Variants in ERICH6B observed in about 807,000 individuals in gnomAD.
ERICH6B encodes glutamate rich 6B.
A neutral mutation model predicts 80.0 loss-of-function variants in ERICH6B; 69 were observed. The observed-to-expected ratio is 0.86, with a 90% CI of 0.71 to 1.05. The LOEUF (loss-of-function observed/expected upper bound fraction) is 1.05. ERICH6B is among the 50% of genes least tolerant of loss of function. The probability of loss-of-function intolerance (pLI) is 0.00; values close to 1 mark genes in which losing one functional copy is unlikely to be tolerated. For synonymous variants in ERICH6B, 283 were observed against 291.9 expected (o/e 0.97, Z 0.31); for missense variants, 754 against 796.1 (o/e 0.95, Z 0.64).
intron 2 of ERICH6B, 83 bp from the exon 3 acceptor site, chr13:45,597,146 T>G: frequency 1.0e-6 from 1 of 983,008 alleles, no homozygotes; most frequent in Non-Finnish European, 1.5e-6. Flanking sequence ...TTCACTTATT[T>G]CATTCAGTAG....
intron 3 of ERICH6B, among the ~76,000 whole-genome samples, chr13:45,594,486 T>C (rs1439558130): frequency 1.3e-5 from 2 of 152,230 alleles, no homozygotes; most frequent in Non-Finnish European, 2.9e-5. Context: ...TATTTTTCAG[T>C]ATTAGAATTA....
chr13:45,543,654 A>C lies in ERICH6B; in HGVS notation c.1872+1106T>G, dbSNP rs1020955696. The stretch of plus-strand genomic sequence containing the variant: ...TCTGGAGGATGGTGGCCCCATGGAC[A>C]CCTTGATCTCAGACTTGGCCCAGAA... On this transcript the variant is annotated intron_variant, in intron 14 of 14. Transcript: ENST00000298738. 7.9e-5 allele frequency among the ~76,000 whole-genome samples: 12 copies of C among 152,150 alleles called. 1 individual carries two copies. The highest frequency in any genetic ancestry group is 2.9e-4 in the African/African-American group (12 of 41,432).
At chr13:45,567,478 T>G (rs1874967834) in intron 9 of ERICH6B, among the ~76,000 whole-genome samples, 1 of 152,124 alleles carries the variant, frequency 6.6e-6, no homozygotes, top group African/African-American at 2.4e-5. Context: ...GTCTTTCCAG[T>G]TCTGTTCTCG....
At chr13:45,553,228 C>T in intron 11 of ERICH6B, 1 of 211,580 alleles carries the variant, frequency 4.7e-6, no homozygotes, top group South Asian at 6.2e-5. Context: ...GCTTGAATGT[C>T]TCCAGTGAGG....
intron 8 of ERICH6B, among the ~76,000 whole-genome samples, chr13:45,573,739 T>C (rs1161107220): frequency 6.6e-6 from 1 of 152,204 alleles, no homozygotes; most frequent in Non-Finnish European, 1.5e-5. Context: ...ACATGGAAGA[T>C]GTGTCTGTCA....
chr13:45,605,042 C>T (rs1949849531), intron 2 of ERICH6B, among the ~76,000 whole-genome samples: 1 of 152,070 alleles, frequency 6.6e-6, no homozygotes, highest in South Asian at 2.1e-4. Flanking sequence ...CCAGCGTGCT[C>T]CCTGAGACCC....
At chr13:45,592,605 A>G (rs895370581) in intron 3 of ERICH6B, among the ~76,000 whole-genome samples, 1 of 152,242 alleles carries the variant, frequency 6.6e-6, no homozygotes, top group Non-Finnish European at 1.5e-5. Flanking sequence ...AAGATTAGGC[A>G]AAAACATGAT....
At chr13:45,580,081 G>A in intron 6 of ERICH6B, 107 bp from the exon 7 acceptor site, 1 of 967,050 alleles carries the variant, frequency 1.0e-6, no homozygotes, top group South Asian at 1.6e-5. Context: ...TAGATATCTG[G>A]GAAGCCTCAG....
Position 45,596,978 on chromosome 13 carries a change from C to T in ERICH6B, c.28G>A (p.Gly10Arg), listed in dbSNP as rs781540076. ...GTGGGAGGGTGAGGAGGTGATGCTC[C>T]TGATAACTGATTATTTTCAGCAGAC... Reference protein sequence around the residue: MSAENNQLSGASPPHPPTTP... With the variant: MSAENNQLSRASPPHPPTTP... Residue 10 changes from glycine (G) to arginine (R), a missense_variant, in exon 3 of 15, where the codon GGA becomes AGA. Physicochemically the swap from Gly to Arg is moderately radical, Grantham distance 125 (BLOSUM62 -2). Transcript: ENST00000298738. The T allele has an allele frequency of 5.2e-6, 8 of 1,547,586 alleles. No individual in the cohort carries two copies. The highest frequency in any genetic ancestry group is 7.0e-6 in the Non-Finnish European group (8 of 1,144,214).
chr13:45,614,862 T>A (rs7990478), intron 1 of ERICH6B, among the ~76,000 whole-genome samples: 1 of 152,250 alleles, frequency 6.6e-6, no homozygotes, highest in African/African-American at 2.4e-5. Flanking sequence ...GACCTACTTC[T>A]GTGAATTCCA....
chr13:45,594,355 G>A (rs545504545), intron 3 of ERICH6B, among the ~76,000 whole-genome samples: 68 of 152,188 alleles, frequency 4.5e-4, no homozygotes, highest in Non-Finnish European at 8.8e-4. Flanking sequence ...AGTTCCATTC[G>A]CTTGACAGCA....
At chr13:45,567,133 CAGTT>C (rs1019666885) in intron 9 of ERICH6B, among the ~76,000 whole-genome samples, 4 of 152,194 alleles carry the variant, frequency 2.6e-5, no homozygotes, top group African/African-American at 7.2e-5. Flanking sequence ...CAATTTCTCT[CAGTT>C]AGAACAGCTG....
intron 8 of ERICH6B, among the ~76,000 whole-genome samples, chr13:45,568,853 ATT>A (rs11299628): frequency 6.6e-6 from 1 of 151,924 alleles, no homozygotes; most frequent in Non-Finnish European, 1.5e-5. Context: ...TTTCCTTAAA[ATT>A]TTTTTTTAAA....
chr13:45,580,751 G>A, intron 5 of ERICH6B, 86 bp from the exon 6 acceptor site: 1 of 1,379,074 alleles, frequency 7.3e-7, no homozygotes, highest in Non-Finnish European at 1.0e-6. Flanking sequence ...GGGGTCCCAG[G>A]TTCTTTCTTG....
Position 45,544,815 on chromosome 13 carries a change from A to G in ERICH6B, c.1817T>C (p.Phe606Ser). ...VQIRSQDKII[F>S]CFTYEQKQIC... ...CTGCTTCTGTTCATAGGTGAAGCAG[A>G]AGATGATCTTATCCTGGCTCCTTAT... is the stretch of plus-strand genomic sequence containing the variant. The change falls in exon 14 of 15, where the codon TTC (phenylalanine) becomes TCC (serine). Residue 606 changes from phenylalanine (F) to serine (S), a missense_variant. Phe to Ser is a radical substitution (Grantham distance 155). Transcript: ENST00000298738. 6.4e-7 allele frequency: 1 copy of G among 1,551,754 alleles called. No homozygotes were observed. Among genetic ancestry groups the G allele is most frequent in the Non-Finnish European group, 8.7e-7 (1 of 1,147,004 alleles).
intron 8 of ERICH6B, 82 bp from the exon 9 acceptor site, chr13:45,568,533 G>A (rs1875021352): frequency 1.1e-5 from 14 of 1,310,770 alleles, no homozygotes; most frequent in Admixed American, 2.9e-5. Flanking sequence ...ACTCTCAAAG[G>A]TACTGTGTGA....
intron 13 of ERICH6B, among the ~76,000 whole-genome samples, 178 bp from the exon 14 acceptor site, chr13:45,545,163 T>G (rs1489847792): frequency 6.6e-6 from 1 of 152,180 alleles, no homozygotes; most frequent in Non-Finnish European, 1.5e-5. Context: ...TCCCCTGCGC[T>G]GGCCTCACCA....
intron 11 of ERICH6B, among the ~76,000 whole-genome samples, chr13:45,555,924 G>T (rs966474764): frequency 6.7e-6 from 1 of 149,494 alleles, no homozygotes; most frequent in African/African-American, 2.5e-5. Flanking sequence ...GCCTATGGGT[G>T]TCCGTGAGGC....
In ERICH6B at chr13:45,541,723, TGAGCACGGTGCCC is replaced by T. The variant is rs146823233; in HGVS notation, c.1873-56_1873-44del. 1.1e-3 allele frequency: 1,635 copies of T among 1,531,178 alleles called. 16 individuals carry two copies. The African/African-American group carries it at 0.02, about 19-fold the overall frequency. 94.8% of individuals were successfully genotyped at this position (1,531,178 alleles called of 1,614,324 possible). ...GGACTGGGTGAGAATGCATGCTGCC[TGAGCACGGTGCCC>T]CAGACCCAGGCCAGATCTCCTGTGG... is the stretch of plus-strand genomic sequence containing the variant. On this transcript the variant is annotated intron_variant, in intron 14 of 14. Transcript: ENST00000298738.
Sources: gnomAD v4.1 joint callset for allele counts (sites outside exome capture counted in the v4.1 genomes callset) on GRCh38, gnomAD v4.1.1 for gene constraint, MANE v1.5 for transcripts, NCBI Gene and HGNC (gene_info 2026-07-23, HGNC 2026-07-21) for gene names.